Variants in FRK observed in about 807,000 individuals in gnomAD.
FRK encodes tyrosine-protein kinase FRK.
In FRK, 51 loss-of-function variants were observed where a neutral mutation model predicts 56.4. That is an observed-to-expected ratio of 0.90 (90% CI 0.72 to 1.14). The LOEUF (loss-of-function observed/expected upper bound fraction) is 1.14, where lower values mean the gene tolerates loss of function less well. Among genes scored for constraint, FRK ranks in the 50% most tolerant of loss-of-function variants. The pLI is 0.00. For synonymous variants in FRK, 245 were observed against 217.9 expected (o/e 1.12, Z -1.10); for missense variants, 570 against 601.4 (o/e 0.95, Z 0.55).
At position 115,950,035 on chromosome 6, in the gene FRK, G is replaced by A. The variant is rs979000086; in HGVS notation, c.959-5610C>T. Reference sequence around the variant, plus strand: ...ACACCTTGTACAAAAATTAACTCAAGACGGATTAAAGATTTAAACATAAGA... The same window carrying A: ...ACACCTTGTACAAAAATTAACTCAAAACGGATTAAAGATTTAAACATAAGA... On this transcript the variant is annotated intron_variant, in intron 5 of 7. Transcript: ENST00000606080. 5.3e-5 allele frequency among the ~76,000 whole-genome samples: 8 copies of A among 152,234 alleles called. 1 individual carries two copies. Among genetic ancestry groups the A allele is most frequent in the Admixed American group, 3.9e-4 (6 of 15,294 alleles).
chr6:115,986,346 AC>A, intron 2 of FRK, among the ~76,000 whole-genome samples: 1 of 152,172 alleles, frequency 6.6e-6, no homozygotes, highest in South Asian at 2.1e-4. Flanking sequence ...CATGGAGATT[AC>A]CCTAGGCCTG....
chr6:116,100,195 G>A, the FRK span, among the ~76,000 whole-genome samples: 2 of 152,310 alleles, frequency 1.3e-5, no homozygotes, highest in South Asian at 2.1e-4. Context: ...GGATTATCAA[G>A]TAATAACCAA....
At chr6:115,975,168 G>GA (rs935178557) in intron 2 of FRK, among the ~76,000 whole-genome samples, 6 of 151,898 alleles carry the variant, frequency 4.0e-5, no homozygotes, top group African/African-American at 1.5e-4. Flanking sequence ...CCAACCTCAG[G>GA]ATATAAACAC....
Position 115,940,375 on chromosome 6 carries a change from C to G in FRK, c.*2039G>C, listed in dbSNP as rs558621669. The G allele has an allele frequency of 6.6e-5, 10 of 152,170 alleles. No homozygotes were observed. The highest frequency in any genetic ancestry group is 2.2e-4 in the African/African-American group (9 of 41,510). 9.4% of individuals were successfully genotyped at this position (152,170 alleles called of 1,614,324 possible). A position where few individuals can be genotyped will look rare whatever the true frequency, so the allele number is the denominator to read the frequency against. ...ATGTAAGACCTAAAACCATAAAAAC[C>G]CTAGAAGAAAACCTAGGCAACACCA... On this transcript the variant is annotated 3_prime_UTR_variant, in exon 8 of 8. Transcript: ENST00000606080.
chr6:115,973,064 AG>A (rs1773868680), intron 2 of FRK, among the ~76,000 whole-genome samples: 2 of 152,342 alleles, frequency 1.3e-5, no homozygotes, highest in Admixed American at 1.3e-4. Context: ...AAAATACAAA[AG>A]GCAAGAGTCC....
At chr6:116,010,743 TAAG>T (rs1485529288) in intron 1 of FRK, among the ~76,000 whole-genome samples, 2 of 152,194 alleles carry the variant, frequency 1.3e-5, no homozygotes, top group Admixed American at 6.5e-5. Context: ...GTTTCAAGAT[TAAG>T]AAGAATGCTG....
At chr6:116,098,400 G>A in the FRK span, among the ~76,000 whole-genome samples, 7 of 152,170 alleles carry the variant, frequency 4.6e-5, no homozygotes, top group Non-Finnish European at 2.9e-5. Flanking sequence ...TGTGTGCCAC[G>A]ACGCCAGGCA....
the FRK span, among the ~76,000 whole-genome samples, chr6:116,087,674 A>G: frequency 1.4e-4 from 22 of 152,268 alleles, no homozygotes; most frequent in Non-Finnish European, 2.9e-5. Flanking sequence ...CAGACTGGCC[A>G]ACAGATGGAG....
chr6:116,072,925 A>T, the FRK span, among the ~76,000 whole-genome samples: 1 of 152,184 alleles, frequency 6.6e-6, no homozygotes, highest in African/African-American at 2.4e-5. Flanking sequence ...GGAAAATAAA[A>T]TATCCCTCTG....
At chr6:115,959,778 G>A (rs1175510160) in intron 4 of FRK, among the ~76,000 whole-genome samples, 2 of 152,158 alleles carry the variant, frequency 1.3e-5, no homozygotes, top group African/African-American at 4.8e-5. Context: ...CCCACTTCCA[G>A]ATGAGAAGAT....
intron 2 of FRK, among the ~76,000 whole-genome samples, chr6:115,975,572 G>A (rs761278737): frequency 1.2e-4 from 18 of 152,090 alleles, no homozygotes; most frequent in Middle Eastern, 3.2e-3. Flanking sequence ...TTCCTGGCTT[G>A]TGATCTTTAT....
chr6:115,986,196 G>A (rs77127198), intron 2 of FRK, among the ~76,000 whole-genome samples: 5,289 of 152,004 alleles, frequency 0.035, 103 homozygotes, highest in Non-Finnish European at 0.055. Flanking sequence ...TTGAGTAGGG[G>A]CAACCATGAC....
At chr6:116,007,915 T>C (rs1221941195) in intron 1 of FRK, among the ~76,000 whole-genome samples, 1 of 152,188 alleles carries the variant, frequency 6.6e-6, no homozygotes, top group East Asian at 1.9e-4. Context: ...ATATATAATT[T>C]ACTTCTAAGT....
chr6:115,996,420 G>T (rs1444937101), intron 2 of FRK, among the ~76,000 whole-genome samples: 1 of 152,114 alleles, frequency 6.6e-6, no homozygotes, highest in Non-Finnish European at 1.5e-5. Context: ...GTGAGTTTAG[G>T]ACGAACTCTG....
chr6:115,969,128 AG>A (rs1773705344), intron 2 of FRK, among the ~76,000 whole-genome samples: 1 of 152,196 alleles, frequency 6.6e-6, no homozygotes, highest in African/African-American at 2.4e-5. Context: ...TTTTAGAAAC[AG>A]TTTGACTCTT....
At position 115,974,047 on chromosome 6, in the gene FRK, A is replaced by G. The variant is rs115108892; in HGVS notation, c.467-5308T>C. On this transcript the variant is annotated intron_variant, in intron 2 of 7. Coordinates refer to ENST00000606080, the MANE Select transcript of FRK (RefSeq NM_002031.3). ...CCTACATGTTCAAGCCTTGACATCT[A>G]TCAAAAAGAGAAGTCCATAAATTAA... Among the ~76,000 whole-genome samples the G allele has an allele frequency of 9.1e-3, 1,393 of 152,322 alleles. 28 individuals carry two copies. Among genetic ancestry groups the G allele is most frequent in the African/African-American group, 0.032 (1,321 of 41,566 alleles).
chr6:115,968,687 C>T lies in FRK; in HGVS notation c.519G>A (p.Gly173=), dbSNP rs374779050. 2.2e-4 allele frequency: 356 copies of T among 1,613,720 alleles called. No homozygotes were observed. The highest frequency in any genetic ancestry group is 2.9e-4 in the Non-Finnish European group (348 of 1,179,838). The change falls in exon 3 of 8, where the codon GGG becomes GGA. Residue 173 remains glycine, a synonymous_variant. Coordinates refer to ENST00000606080, the MANE Select transcript of FRK (RefSeq NM_002031.3). ...KHYRIKRLDE[G]GFFLTRRRIF... is the part of the protein sequence containing the mutation. ...TTCTTCTTCGCGTGAGAAAAAATCC[C>T]CCTTCATCCAGTCTTTTAATTCTGT...
the FRK span, among the ~76,000 whole-genome samples, chr6:116,087,802 TC>T: frequency 1.1e-4 from 17 of 152,206 alleles, no homozygotes; most frequent in Admixed American, 1.1e-3. Context: ...CTGTTTCACA[TC>T]CCCTTAGCCC....
At chr6:116,017,643 T>G (rs1374365675) in intron 1 of FRK, among the ~76,000 whole-genome samples, 2 of 152,214 alleles carry the variant, frequency 1.3e-5, no homozygotes, top group Non-Finnish European at 2.9e-5. Flanking sequence ...TTCTGAAGAC[T>G]GTCCCAGGAA....
Sources: allele counts gnomAD v4.1 joint callset (sites outside exome capture counted in the v4.1 genomes callset), GRCh38; gene constraint gnomAD v4.1.1; transcripts MANE v1.5; gene names NCBI Gene and HGNC (gene_info 2026-07-23, HGNC 2026-07-21).